Variants in BZW2 observed in about 807,000 individuals in gnomAD.
BZW2 encodes basic leucine zipper and W2 domains 2.
A neutral mutation model predicts 53.2 loss-of-function variants in BZW2; 23 were observed. The ratio of observed to expected loss-of-function variants is 0.43; its 90% confidence interval spans 0.31 to 0.61. The LOEUF (loss-of-function observed/expected upper bound fraction) is 0.61, where lower values mean the gene tolerates loss of function less well. Among genes scored for constraint, BZW2 ranks in the 20% least tolerant of loss-of-function variants. The pLI is 0.09. For synonymous variants in BZW2, 227 were observed against 186.4 expected (o/e 1.22, Z -1.77); for missense variants, 409 against 503.1 (o/e 0.81, Z 1.79).
At chr7:16,693,811 G>A (rs903997344) in intron 7 of BZW2, among the ~76,000 whole-genome samples, 2 of 152,162 alleles carry the variant, frequency 1.3e-5, no homozygotes, top group African/African-American at 4.8e-5. Flanking sequence ...GCTCTCTTCT[G>A]ACATTTTTGA....
At chr7:16,655,678 C>G (rs1005375925) in intron 1 of BZW2, among the ~76,000 whole-genome samples, 3 of 152,160 alleles carry the variant, frequency 2.0e-5, no homozygotes, top group Non-Finnish European at 2.9e-5. Context: ...CCACCTCACT[C>G]CTATTCTCCT....
chr7:16,673,401 G>C (rs942541266), intron 2 of BZW2, among the ~76,000 whole-genome samples: 1 of 152,094 alleles, frequency 6.6e-6, no homozygotes, highest in Non-Finnish European at 1.5e-5. Context: ...GAGTTTTCTA[G>C]AGTTTAAAGA....
At chr7:16,672,592 C>T (rs1413582557) in intron 2 of BZW2, among the ~76,000 whole-genome samples, 1 of 152,168 alleles carries the variant, frequency 6.6e-6, no homozygotes. Context: ...CTTTGCTCCT[C>T]TCTCCTCACA....
At chr7:16,705,684 CAA>C (rs1180087983) in intron 11 of BZW2, among the ~76,000 whole-genome samples, 1 of 53,856 alleles carries the variant, frequency 1.9e-5, no homozygotes. Flanking sequence ...GACTCCATCT[CAA>C]AAAAAAAAAA....
intron 9 of BZW2, 126 bp downstream of exon 9, chr7:16,697,187 T>G (rs1783525326): frequency 4.5e-6 from 5 of 1,122,998 alleles, no homozygotes; most frequent in Non-Finnish European, 6.1e-6. Context: ...ACTCCTGGGC[T>G]CAAGCCACCC....
At chr7:16,701,316 A>AC (rs1683553365) in intron 10 of BZW2, among the ~76,000 whole-genome samples, 1 of 152,172 alleles carries the variant, frequency 6.6e-6, no homozygotes, top group African/African-American at 2.4e-5. Flanking sequence ...ATGGTCTAAA[A>AC]TGTGTAAAAC....
intron 6 of BZW2, chr7:16,687,230 G>A (rs887881158): frequency 6.6e-6 from 1 of 152,128 alleles, no homozygotes; most frequent in African/African-American, 2.4e-5. Context: ...GTGGGCATGT[G>A]AATGTTCATT....
intron 9 of BZW2, 85 bp from the exon 10 acceptor site, chr7:16,697,963 C>T: frequency 1.3e-6 from 2 of 1,521,342 alleles, no homozygotes; most frequent in Non-Finnish European, 9.0e-7. Context: ...CTAAGCAACC[C>T]TCCAGGTTAC....
chr7:16,660,992 T>G (rs868531380), intron 1 of BZW2, among the ~76,000 whole-genome samples: 2 of 152,308 alleles, frequency 1.3e-5, no homozygotes, highest in Middle Eastern at 3.4e-3. Flanking sequence ...AACAGAAACC[T>G]TATATCCCTC....
chr7:16,691,877 TCTG>T (rs1258326478), intron 7 of BZW2, among the ~76,000 whole-genome samples: 1 of 122,368 alleles, frequency 8.2e-6, no homozygotes, highest in Non-Finnish European at 1.6e-5. Flanking sequence ...TTTACTAGGT[TCTG>T]TGTGTGTGTG....
Position 16,706,189 on chromosome 7 carries a change from G to GA in BZW2, c.*111dup, listed in dbSNP as rs925299490. Reference sequence around the variant, plus strand: ...AAACTTGGCTTCTGTTTTCGCAAAGGAAAAAAAAAATAGGATAGGCTTCCC... The same window carrying GA: ...AAACTTGGCTTCTGTTTTCGCAAAGGAAAAAAAAAAATAGGATAGGCTTCCC... On this transcript the variant is annotated 3_prime_UTR_variant, in exon 12 of 12. Coordinates refer to ENST00000258761, the MANE Select transcript of BZW2 (RefSeq NM_014038.3). 12,083 of 1,168,170 alleles carry GA rather than the reference G, an allele frequency of 0.01. No individual in the cohort carries two copies. Among genetic ancestry groups the GA allele is most frequent in the South Asian group, 0.014 (895 of 65,008 alleles). 72.4% of individuals were successfully genotyped at this position (1,168,170 alleles called of 1,614,324 possible).
At chr7:16,692,070 G>A (rs1783326479) in intron 7 of BZW2, among the ~76,000 whole-genome samples, 1 of 152,128 alleles carries the variant, frequency 6.6e-6, no homozygotes, top group South Asian at 2.1e-4. Context: ...CTCTTTAGGA[G>A]GAAATTTTGT....
At chr7:16,685,879 T>TC (rs1485110149) in intron 5 of BZW2, 26 bp from the exon 6 acceptor site, 11 of 585,762 alleles carry the variant, frequency 1.9e-5, no homozygotes, top group East Asian at 5.5e-5. Flanking sequence ...TCTTTTTCTT[T>TC]TTTTTTTTTT....
chr7:16,646,979 T>C (rs1035221681), intron 1 of BZW2, among the ~76,000 whole-genome samples: 4 of 151,698 alleles, frequency 2.6e-5, no homozygotes, highest in African/African-American at 7.3e-5. Context: ...GGTGGGGAGG[T>C]TGGAGAGGGC....
intron 10 of BZW2, among the ~76,000 whole-genome samples, chr7:16,702,196 T>G (rs1444360064): frequency 6.6e-6 from 1 of 152,208 alleles, no homozygotes; most frequent in East Asian, 1.9e-4. Flanking sequence ...AAAAATTGTC[T>G]GAATTCTTTG....
In BZW2 at chr7:16,694,886, C is replaced by T; in HGVS notation, c.704C>T (p.Thr235Ile). 1 of 1,575,114 alleles carries T rather than the reference C, an allele frequency of 6.3e-7. No homozygotes were observed. The highest frequency in any genetic ancestry group is 1.1e-5 in the South Asian group (1 of 87,450). The change falls in exon 8 of 12, where the codon ACT becomes ATT. Residue 235 changes from threonine (T) to isoleucine (I), a missense_variant. This residue lies in a region of BZW2 where 316 missense variants were observed against 366.8 expected (regional missense o/e 0.86). Coordinates refer to ENST00000258761, the MANE Select transcript of BZW2 (RefSeq NM_014038.3). ...GTGGATCATTTTGCTAAATACTTCA[C>T]TGACGCAGGTCTTAAGGAGCTTTCC... is the stretch of plus-strand genomic sequence containing the variant. ...QSVDHFAKYFTDAGLKELSDF... is the reference protein window; with the variant it reads ...QSVDHFAKYFIDAGLKELSDF...
chr7:16,704,643 T>C lies in BZW2; in HGVS notation c.1205T>C (p.Val402Ala). The C allele has an allele frequency of 6.3e-7, 1 of 1,590,362 alleles. No individual in the cohort carries two copies. The change falls in exon 11 of 12, where the codon GTT (valine) becomes GCT (alanine). Residue 402 changes from valine to alanine, a missense_variant. Val to Ala is a moderately conservative substitution (Grantham distance 64). Around this residue, in one of 3 missense-constraint regions of BZW2, gnomAD observed 88 missense variants for 114.6 expected, o/e 0.77. Coordinates refer to ENST00000258761, the MANE Select transcript of BZW2 (RefSeq NM_014038.3). ...SVFLDQMKKF[V>A]EWLQNAEEES... ...TTTCTTGACCAGATGAAGAAATTTG[T>C]TGAGTGGTTACAAAATGCAGAAGAA...
intron 1 of BZW2, among the ~76,000 whole-genome samples, chr7:16,652,346 C>G (rs1782004553): frequency 6.6e-6 from 1 of 152,154 alleles, no homozygotes; most frequent in South Asian, 2.1e-4. Flanking sequence ...TGGAGACAAT[C>G]AGTGCTTGCT....
At chr7:16,671,577 A>G (rs888108912) in intron 2 of BZW2, among the ~76,000 whole-genome samples, 4 of 151,928 alleles carry the variant, frequency 2.6e-5, no homozygotes, top group African/African-American at 9.7e-5. Flanking sequence ...GTTATTATCC[A>G]TTTTTGAGGC....
Sources: allele counts gnomAD v4.1 joint callset (sites outside exome capture counted in the v4.1 genomes callset), GRCh38; gene constraint gnomAD v4.1.1; regional missense constraint gnomAD v4.1.1; transcripts MANE v1.5; gene names NCBI Gene and HGNC (gene_info 2026-07-23, HGNC 2026-07-21).